The following GADL1 variants were observed in gnomAD, a reference collection of about 807,000 sequenced individuals.
The protein encoded by GADL1 is GAD like acidic amino acid decarboxylase 1, also known as acidic amino acid decarboxylase GADL1.
In GADL1, 71 loss-of-function variants were observed where a neutral mutation model predicts 69.5. That is an observed-to-expected ratio of 1.02 (90% CI 0.84 to 1.25). GADL1 has a LOEUF of 1.25. Ranked by LOEUF, GADL1 falls within the 50% of genes most tolerant of loss-of-function variation. The probability of loss-of-function intolerance (pLI) is 0.00; values close to 1 mark genes in which losing one functional copy is unlikely to be tolerated. For synonymous variants in GADL1, 254 were observed against 214.4 expected (o/e 1.18, Z -1.62); for missense variants, 737 against 631.8 (o/e 1.17, Z -1.79).
chr3:30,764,136 T>C (rs1357288509), intron 14 of GADL1, among the ~76,000 whole-genome samples: 5 of 147,984 alleles, frequency 3.4e-5, no homozygotes, highest in Admixed American at 6.8e-5. Flanking sequence ...TTATTAAATA[T>C]ATTAACGCTT....
intron 1 of GADL1, among the ~76,000 whole-genome samples, chr3:30,884,121 T>C (rs558415153): frequency 8.2e-4 from 125 of 152,106 alleles, no homozygotes; most frequent in Non-Finnish European, 9.3e-4. Context: ...GCATTCCATA[T>C]GATCTTGGTG....
intron 1 of GADL1, among the ~76,000 whole-genome samples, chr3:30,867,085 A>C (rs1214682635): frequency 6.6e-6 from 1 of 152,010 alleles, no homozygotes; most frequent in Non-Finnish European, 1.5e-5. Context: ...TCTCATCTAT[A>C]AAAATTGGAG....
intron 12 of GADL1, chr3:30,798,711 C>A (rs1296461892): frequency 6.6e-6 from 1 of 152,180 alleles, no homozygotes; most frequent in East Asian, 1.9e-4. Flanking sequence ...AGTCCACAGT[C>A]CAAGGTTTCA....
chr3:30,763,237 G>A (rs543488494), intron 14 of GADL1, among the ~76,000 whole-genome samples: 180 of 152,204 alleles, frequency 1.2e-3, no homozygotes, highest in Non-Finnish European at 1.9e-3. Context: ...AGTGGCTCAC[G>A]CCTGTAATCC....
intron 6 of GADL1, among the ~76,000 whole-genome samples, chr3:30,846,181 A>G (rs936298837): frequency 6.6e-6 from 1 of 152,232 alleles, no homozygotes; most frequent in African/African-American, 2.4e-5. Context: ...GTTTCAAGGA[A>G]AGGAAAAACC....
intron 14 of GADL1, among the ~76,000 whole-genome samples, chr3:30,742,438 C>T (rs1404565000): frequency 6.6e-6 from 1 of 151,996 alleles, no homozygotes; most frequent in Non-Finnish European, 1.5e-5. Context: ...CATTTTCTAG[C>T]TCCCAGTTTC....
chr3:30,813,878 T>C (rs926543951), intron 11 of GADL1, among the ~76,000 whole-genome samples: 6 of 152,208 alleles, frequency 3.9e-5, no homozygotes, highest in Admixed American at 2.0e-4. Flanking sequence ...AAAGATGTAG[T>C]GGACAATAGC....
At chr3:30,774,263 T>C (rs1215538021) in intron 14 of GADL1, among the ~76,000 whole-genome samples, 1 of 152,070 alleles carries the variant, frequency 6.6e-6, no homozygotes, top group Non-Finnish European at 1.5e-5. Flanking sequence ...CATTGAACTG[T>C]GTCCCATGTT....
At position 30,728,435 on chromosome 3, in the gene GADL1, G is replaced by T; in HGVS notation, c.1393-20C>A. ...GGCCACCTGTGTGGGGAGAAAAGGG[G>T]AGAGGGGTGAAAGACCAGAACATCA... On this transcript the variant is annotated intron_variant, in intron 14 of 14. Transcript: ENST00000282538. 2 of 1,607,850 alleles carry T rather than the reference G, an allele frequency of 1.2e-6. No homozygotes were observed. The highest frequency in any genetic ancestry group is 2.2e-5 in the South Asian group (2 of 90,918).
intron 14 of GADL1, among the ~76,000 whole-genome samples, chr3:30,759,256 TTTAA>T (rs72184072): frequency 0.34 from 51,348 of 151,804 alleles, 8,967 homozygotes; most frequent in South Asian, 0.43. Flanking sequence ...TATGTAAATC[TTTAA>T]TTATCTATAA....
chr3:30,751,689 C>T (rs986997798), intron 14 of GADL1, among the ~76,000 whole-genome samples: 1 of 152,158 alleles, frequency 6.6e-6, no homozygotes, highest in African/African-American at 2.4e-5. Context: ...CTAGTCTTAA[C>T]TACAATCGTG....
At chr3:30,870,418 G>T (rs1698464177) in intron 1 of GADL1, among the ~76,000 whole-genome samples, 1 of 151,740 alleles carries the variant, frequency 6.6e-6, no homozygotes, top group Non-Finnish European at 1.5e-5. Flanking sequence ...AAAGAGATAA[G>T]TGTGGCCCAA....
intron 12 of GADL1, among the ~76,000 whole-genome samples, chr3:30,794,648 T>C (rs1429757633): frequency 1.3e-5 from 2 of 152,178 alleles, no homozygotes; most frequent in Non-Finnish European, 2.9e-5. Flanking sequence ...TCAATTGGGT[T>C]GACAGGGTCA....
intron 13 of GADL1, among the ~76,000 whole-genome samples, chr3:30,784,792 T>A (rs905220034): frequency 6.6e-6 from 1 of 152,198 alleles, no homozygotes; most frequent in African/African-American, 2.4e-5. Context: ...CTCCAGTGAC[T>A]ACATTCGGGA....
chr3:30,788,857 C>A (rs1696854395), intron 12 of GADL1, among the ~76,000 whole-genome samples: 1 of 152,174 alleles, frequency 6.6e-6, no homozygotes, highest in Non-Finnish European at 1.5e-5. Flanking sequence ...GAGACTGCAG[C>A]AATTCAGTCA....
At position 30,728,317 on chromosome 3, in the gene GADL1, C is replaced by T. The variant is rs1695400214; in HGVS notation, c.1491G>A (p.Val497=). The change falls in exon 15 of 15, where the codon GTG becomes GTA. Residue 497 remains valine, a synonymous_variant. Transcript: ENST00000282538. ...RGKVNFFRQV[V]ISPQVSREDM... is the part of the protein sequence containing the mutation. ...CCTCCCGGCTCACTTGAGGGCTGATCACCACCTGGCGGAAGAAGTTGACCT... is the reference window on the plus strand; with the variant it reads ...CCTCCCGGCTCACTTGAGGGCTGATTACCACCTGGCGGAAGAAGTTGACCT... 1 of 1,613,796 alleles carries T rather than the reference C, an allele frequency of 6.2e-7. No homozygotes were observed. The highest frequency in any genetic ancestry group is 1.3e-5 in the African/African-American group (1 of 74,928).
chr3:30,867,423 C>CATATATATAT (rs148660336), intron 1 of GADL1, among the ~76,000 whole-genome samples: 4,468 of 114,994 alleles, frequency 0.039, 249 homozygotes, highest in African/African-American at 0.12. Flanking sequence ...TACAATACTA[C>CATATATATAT]ATATATATAT....
intron 14 of GADL1, among the ~76,000 whole-genome samples, chr3:30,738,248 C>G (rs1575178772): frequency 1.3e-5 from 2 of 152,102 alleles, no homozygotes; most frequent in African/African-American, 2.4e-5. Flanking sequence ...GCTACCAACT[C>G]CCTTGGGGCA....
At chr3:30,880,811 A>T (rs1244457456) in intron 1 of GADL1, among the ~76,000 whole-genome samples, 1 of 151,950 alleles carries the variant, frequency 6.6e-6, no homozygotes, top group African/African-American at 2.4e-5. Flanking sequence ...AAATGACTGT[A>T]AATTTGTTAA....
Sources: gnomAD v4.1 joint callset for allele counts (sites outside exome capture counted in the v4.1 genomes callset) on GRCh38, gnomAD v4.1.1 for gene constraint, MANE v1.5 for transcripts, NCBI Gene and HGNC (gene_info 2026-07-23, HGNC 2026-07-21) for gene names.